TP53I13: variants seen among roughly 807,000 people sequenced by gnomAD.
The protein encoded by TP53I13 is tumor protein p53-inducible protein 13.
Under a neutral mutation model 39.1 loss-of-function variants are expected in TP53I13, and 27 were observed. The observed-to-expected ratio is 0.69, with a 90% CI of 0.51 to 0.95. TP53I13 has a LOEUF of 0.95. TP53I13 is among the 40% of genes least tolerant of loss of function. TP53I13 has a pLI of 0.00. For synonymous variants in TP53I13, 230 were observed against 224.6 expected (o/e 1.02, Z -0.22); for missense variants, 544 against 520.4 (o/e 1.05, Z -0.44).
At chr17:29,568,615 G>C, upstream of TP53I13, 2 of 331,458 alleles carry the variant, frequency 6.0e-6, no homozygotes, top group Non-Finnish European at 8.6e-6. The surrounding 1 kb of genome is among the most constrained non-coding windows in gnomAD (Gnocchi z 4.5). Context: ...CCACTGTCTG[G>C]GGAGGGGCGC....
At chr17:29,578,591 G>A in the TP53I13 span, 8 of 875,892 alleles carry the variant, frequency 9.1e-6, no homozygotes, top group Non-Finnish European at 1.6e-5. Context: ...CAGGGAGAGG[G>A]GACTGCTGAG....
chr17:29,573,253 C>T (rs960141823), downstream of TP53I13: 1 of 262,592 alleles, frequency 3.8e-6, no homozygotes, highest in East Asian at 7.1e-5. Flanking sequence ...CCCGCCCCCG[C>T]TGGCCAACCT....
chr17:29,571,825 C>T, intron 4 of TP53I13, 32 bp from the exon 5 acceptor site: 1 of 1,612,758 alleles, frequency 6.2e-7, no homozygotes, highest in Non-Finnish European at 8.5e-7. Flanking sequence ...CCCCACCTTC[C>T]TCGTAGCTCT....
At chr17:29,566,710 G>C, upstream of TP53I13, 1 of 1,581,216 alleles carries the variant, frequency 6.3e-7, no homozygotes, top group Non-Finnish European at 8.5e-7. Context: ...GCGCCGCAGG[G>C]CGCGCAGCAG....
rs556552931 is a variant in TP53I13, at chr17:29,572,802, C to T, written c.1070-10C>T. 54 of 1,533,138 alleles carry T rather than the reference C, an allele frequency of 3.5e-5. No individual in the cohort carries two copies. In the East Asian group the frequency reaches 1.1e-3, roughly 32 times the overall value. The allele number at this position is 1,533,138 out of a possible 1,614,324, so 95.0% of individuals were successfully genotyped here. On this transcript the variant is annotated splice_polypyrimidine_tract_variant and intron_variant, in intron 6 of 6. Transcript: ENST00000301057. ...CTCCCGCCCTTGACTGCTCGGCGCC[C>T]GGCCCACAGCTGTGCTGAAGCGGAG...
chr17:29,574,599 CT>C (rs763135559), downstream of TP53I13: 1 of 1,013,326 alleles, frequency 9.9e-7, no homozygotes, highest in Admixed American at 1.7e-5. Flanking sequence ...ACTAAGGGCA[CT>C]TGTGCCAGTG....
chr17:29,579,263 G>C, the TP53I13 span: 4 of 511,896 alleles, frequency 7.8e-6, no homozygotes, highest in East Asian at 3.2e-5. Context: ...AAGCTCCCCA[G>C]GTTCCTCAAT....
chr17:29,569,188 G>C lies in TP53I13; in HGVS notation c.141+102G>C, dbSNP rs1209317668. The stretch of plus-strand genomic sequence containing the variant: ...CCACAGTCACCATCTGAGGACCTCT[G>C]CCGGTTCCTCAGTCCTCAGTAGCCA... On this transcript the variant is annotated intron_variant, in intron 2 of 6. Coordinates refer to ENST00000301057, the MANE Select transcript of TP53I13 (RefSeq NM_138349.4). 7 of 1,478,006 alleles carry C rather than the reference G, an allele frequency of 4.7e-6. No individual in the cohort carries two copies. In the East Asian group the frequency reaches 1.7e-4, roughly 36 times the overall value. 91.6% of individuals were successfully genotyped at this position (1,478,006 alleles called of 1,614,324 possible). A position where few individuals can be genotyped will look rare whatever the true frequency, so the allele number is the denominator to read the frequency against.
downstream of TP53I13, chr17:29,576,944 G>A: frequency 6.3e-7 from 1 of 1,596,718 alleles, no homozygotes; most frequent in Non-Finnish European, 8.5e-7. Flanking sequence ...CGCTGTCGTA[G>A]TCGTGTTGGT....
At chr17:29,571,395 G>A in intron 3 of TP53I13, 196 bp from the exon 4 acceptor site, 1 of 645,314 alleles carries the variant, frequency 1.5e-6, no homozygotes, top group Non-Finnish European at 2.6e-6. Context: ...GGAGAGGAAG[G>A]GTGAAAGGAA....
the TP53I13 span, chr17:29,579,174 C>G: frequency 6.6e-6 from 4 of 607,636 alleles, no homozygotes; most frequent in Middle Eastern, 4.4e-4. Context: ...TGCTCTTCCT[C>G]TCAGTGACCT....
At chr17:29,576,094 G>C (rs779763363), downstream of TP53I13, 2 of 1,613,766 alleles carry the variant, frequency 1.2e-6, no homozygotes, top group Non-Finnish European at 1.7e-6. Flanking sequence ...AAGGCCAGCA[G>C]GGACGTGCAC....
the TP53I13 span, chr17:29,581,727 C>T: frequency 1.2e-6 from 2 of 1,603,402 alleles, no homozygotes; most frequent in Non-Finnish European, 1.7e-6. This position sits in a 1 kb window ranked among gnomAD's most constrained non-coding sequence, Gnocchi z 4.8. Context: ...CAGGCGCCCC[C>T]CAAGCTCTGC....
chr17:29,576,380 G>T (rs763635641), downstream of TP53I13: 3 of 1,613,480 alleles, frequency 1.9e-6, no homozygotes, highest in East Asian at 4.5e-5. Flanking sequence ...CCGTTCACTG[G>T]GGAGTGGAGG....
downstream of TP53I13, chr17:29,575,273 C>T (rs1219508911): frequency 4.4e-6 from 7 of 1,602,764 alleles, no homozygotes; most frequent in Non-Finnish European, 5.1e-6. This position sits in a 1 kb window ranked among gnomAD's most constrained non-coding sequence, Gnocchi z 5.5. Flanking sequence ...CCTCACCTCC[C>T]CCTCCACTCA....
chr17:29,571,454 C>G, intron 3 of TP53I13, 137 bp from the exon 4 acceptor site: 1 of 1,245,492 alleles, frequency 8.0e-7, no homozygotes, highest in Non-Finnish European at 1.1e-6. Context: ...GCCCTTTGTC[C>G]TTTCCTGGGC....
At position 29,572,458 on chromosome 17, in the gene TP53I13, G is replaced by A. The variant is rs759381303; in HGVS notation, c.830G>A (p.Ser277Asn). ...TEAQVPNGQG[S>N]PGGCVCSSQA... ...GCTCAGGTGCCCAACGGGCAAGGCA[G>A]CCCAGGGGGCTGTGTCTGTTCAAGT... The change falls in exon 6 of 7, where the codon AGC (serine) becomes AAC (asparagine). Residue 277 changes from serine to asparagine, a missense_variant. Coordinates refer to ENST00000301057, the MANE Select transcript of TP53I13 (RefSeq NM_138349.4). The A allele has an allele frequency of 1.2e-5, 19 of 1,583,006 alleles. No homozygotes were observed. Among genetic ancestry groups the A allele is most frequent in the East Asian group, 2.2e-5 (1 of 44,482 alleles).
downstream of TP53I13, chr17:29,574,450 A>G: frequency 1.9e-6 from 1 of 525,116 alleles, no homozygotes; most frequent in Admixed American, 3.3e-5. Flanking sequence ...CCTGCTCACT[A>G]GGAGGGGGGA....
In TP53I13 at chr17:29,571,953, C is replaced by G. The variant is rs369597384; in HGVS notation, c.409C>G (p.Gln137Glu). ...HWLMRRRRRK[Q>E]RKKKAWIYCE... Reference sequence around the variant, plus strand: ...GCTGATGAGGAGGCGGAGGAGGAAGCAGAGGAAGAAGAAGGCATGGATCTA... The same window carrying G: ...GCTGATGAGGAGGCGGAGGAGGAAGGAGAGGAAGAAGAAGGCATGGATCTA... Residue 137 changes from glutamine (Q) to glutamate (E), a missense_variant, in exon 5 of 7, where the codon CAG (glutamine) becomes GAG (glutamate). Gln to Glu is a conservative substitution (Grantham distance 29, BLOSUM62 2). Coordinates refer to ENST00000301057, the MANE Select transcript of TP53I13 (RefSeq NM_138349.4). 6.4e-5 allele frequency: 104 copies of G among 1,613,078 alleles called. No homozygotes were observed. The African/African-American group carries it at 1.2e-3, about 19-fold the overall frequency.
Sources: gnomAD v4.1 joint callset for allele counts on GRCh38, gnomAD v4.1.1 for gene constraint, Gnocchi (gnomAD v3.1) non-coding constraint, MANE v1.5 for transcripts, NCBI Gene and HGNC (gene_info 2026-07-23, HGNC 2026-07-21) for gene names.